Variants in HS3ST1 observed in about 807,000 individuals in gnomAD.
HS3ST1 encodes the protein heparan sulfate glucosamine 3-O-sulfotransferase 1.
Under a neutral mutation model 20.7 loss-of-function variants are expected in HS3ST1, and 8 were observed. That is an observed-to-expected ratio of 0.39 (90% CI 0.23 to 0.70). The LOEUF is 0.70. Ranked by LOEUF, HS3ST1 falls within the 30% of genes least tolerant of loss-of-function variation. The pLI, the probability that HS3ST1 is intolerant of heterozygous loss-of-function variation, is 0.46. For missense variants in HS3ST1, 436 were observed against 423.4 expected (o/e 1.03, Z -0.26); for synonymous variants, 205 against 190.4 (o/e 1.08, Z -0.63).
chr4:11,433,727 T>C (rs867776945), upstream of HS3ST1, among the ~76,000 whole-genome samples: 7 of 152,314 alleles, frequency 4.6e-5, no homozygotes, highest in South Asian at 2.1e-4. Flanking sequence ...TGAATCAATA[T>C]GTATTAGGTA....
At position 11,399,430 on chromosome 4, in the gene HS3ST1, G is replaced by A. The variant is rs1372790414; in HGVS notation, c.576C>T (p.Asn192=). Reference sequence around the variant, plus strand: ...GCATGTGCACGTGGTAGAGGCTGCGGTTGAGGGCCTTGTAGTCCACATTGA... The same window carrying A: ...GCATGTGCACGTGGTAGAGGCTGCGATTGAGGGCCTTGTAGTCCACATTGA... ...GRLNVDYKAL[N]RSLYHVHMQN... The change falls in exon 2 of 2, where the codon AAC becomes AAT. Residue 192 remains asparagine, a synonymous_variant. Transcript: ENST00000002596. The surrounding 1 kb of genome is among the most constrained non-coding windows in gnomAD (Gnocchi z 5.1). 1.2e-6 allele frequency: 2 copies of A among 1,613,906 alleles called. No individual in the cohort carries two copies. Among genetic ancestry groups the A allele is most frequent in the Non-Finnish European group, 1.7e-6 (2 of 1,180,000 alleles).
intron 1 of HS3ST1, among the ~76,000 whole-genome samples, chr4:11,427,124 T>C (rs894992288): frequency 6.6e-6 from 1 of 152,022 alleles, no homozygotes; most frequent in South Asian, 2.1e-4. Flanking sequence ...TTTTTAAAGA[T>C]GGAATTCCTG....
intron 1 of HS3ST1, among the ~76,000 whole-genome samples, chr4:11,424,188 C>G (rs1719007468): frequency 6.6e-6 from 1 of 152,166 alleles, no homozygotes; most frequent in Non-Finnish European, 1.5e-5. Context: ...ACTTGCCTGG[C>G]TGCTGAAGAC....
At chr4:11,409,253 T>C (rs1178874571) in intron 1 of HS3ST1, among the ~76,000 whole-genome samples, 2 of 152,176 alleles carry the variant, frequency 1.3e-5, no homozygotes, top group Non-Finnish European at 2.9e-5. Context: ...CCAAAGTAAA[T>C]TGTTTCCCCT....
rs4697688 is a variant in HS3ST1 at position 11,395,212 on chromosome 4, A to G, written c.*3870T>C. The G allele has an allele frequency of 0.15, 23,324 of 151,960 alleles. 2,462 individuals carry two copies. Among genetic ancestry groups the G allele is most frequent in the African/African-American group, 0.3 (12,293 of 41,406 alleles). 9.4% of individuals were successfully genotyped at this position (151,960 alleles called of 1,614,324 possible). On this transcript the variant is annotated 3_prime_UTR_variant, in exon 2 of 2. Coordinates refer to ENST00000002596, the MANE Select transcript of HS3ST1 (RefSeq NM_005114.4). Reference sequence around the variant, plus strand: ...CAATTCCTCCATGAAGCCTTCCCACAGGAAGGTCAGGGTCTCTGTGGCCCA... The same window carrying G: ...CAATTCCTCCATGAAGCCTTCCCACGGGAAGGTCAGGGTCTCTGTGGCCCA...
At chr4:11,433,421 C>T (rs1012876453), upstream of HS3ST1, among the ~76,000 whole-genome samples, 1 of 152,112 alleles carries the variant, frequency 6.6e-6, no homozygotes, top group African/African-American at 2.4e-5. Context: ...ATTTGTTATC[C>T]TGTGTTAAAC....
rs528546422 is a variant in HS3ST1, at chr4:11,411,081, T to C, written c.-108-10968A>G. On this transcript the variant is annotated intron_variant, in intron 1 of 1. Coordinates refer to ENST00000002596, the MANE Select transcript of HS3ST1 (RefSeq NM_005114.4). ...GCTTTGGCCCAGGAACTTTTTACTA[T>C]CTTTCTTTTTAGGTATGTGTGCTCT... 1.8e-4 allele frequency among the ~76,000 whole-genome samples: 28 copies of C among 152,270 alleles called. No individual in the cohort carries two copies. The South Asian group carries it at 5.0e-3, about 27-fold the overall frequency.
intron 1 of HS3ST1, among the ~76,000 whole-genome samples, chr4:11,427,187 C>A (rs1719082548): frequency 6.6e-6 from 1 of 152,088 alleles, no homozygotes; most frequent in African/African-American, 2.4e-5. Context: ...GATTTGCCTG[C>A]AAAGCGAGAA....
Position 11,399,093 on chromosome 4 carries a change from C to A in HS3ST1, c.913G>T (p.Asp305Tyr). 1.9e-6 allele frequency: 3 copies of A among 1,611,080 alleles called. No individual in the cohort carries two copies. In the South Asian group the frequency reaches 3.3e-5, roughly 18 times the overall value. The change falls in exon 2 of 2, where the codon GAC becomes TAC. Residue 305 changes from aspartate to tyrosine, a missense_variant. Transcript: ENST00000002596. The surrounding 1 kb of genome is among the most constrained non-coding windows in gnomAD (Gnocchi z 5.1). ...TAGCTTATTGCAAATCAGTGCCAGT[C>A]AAATGTTCTGCCAACAAGCTCGAAG... ...KFFELVGRTF[D>Y]WH
intron 1 of HS3ST1, among the ~76,000 whole-genome samples, chr4:11,415,735 C>G (rs537091658): frequency 6.6e-6 from 1 of 152,254 alleles, no homozygotes; most frequent in African/African-American, 2.4e-5. Flanking sequence ...TAAAGGACAA[C>G]TTATCATAAG....
chr4:11,405,647 A>C (rs1313784106), intron 1 of HS3ST1, among the ~76,000 whole-genome samples: 2 of 152,144 alleles, frequency 1.3e-5, no homozygotes, highest in Non-Finnish European at 2.9e-5. Context: ...AGAAACTTTA[A>C]GGGTTTGAAA....
chr4:11,394,403 C>G lies in HS3ST1; in HGVS notation c.*4679G>C, dbSNP rs1163618200. ...TCTACATCAAAACACTTTAGTGAAGCAGCTAAATCCGATGATGTCCTCTTT... is the reference window on the plus strand; with the variant it reads ...TCTACATCAAAACACTTTAGTGAAGGAGCTAAATCCGATGATGTCCTCTTT... On this transcript the variant is annotated 3_prime_UTR_variant, in exon 2 of 2. Coordinates refer to ENST00000002596, the MANE Select transcript of HS3ST1 (RefSeq NM_005114.4). 6.6e-6 allele frequency: 1 copy of G among 152,234 alleles called. No individual in the cohort carries two copies. Among genetic ancestry groups the G allele is most frequent in the Non-Finnish European group, 1.5e-5 (1 of 68,040 alleles). The allele number at this position is 152,234 out of a possible 1,614,324, so 9.4% of individuals were successfully genotyped here.
At chr4:11,416,083 G>A (rs1718774475) in intron 1 of HS3ST1, among the ~76,000 whole-genome samples, 1 of 152,162 alleles carries the variant, frequency 6.6e-6, no homozygotes, top group Non-Finnish European at 1.5e-5. Context: ...GAAGGGCAGA[G>A]TGCAGGTAGC....
At chr4:11,421,692 A>T (rs973640994) in intron 1 of HS3ST1, among the ~76,000 whole-genome samples, 2 of 152,344 alleles carry the variant, frequency 1.3e-5, no homozygotes, top group East Asian at 3.9e-4. Flanking sequence ...GCTGAAATAG[A>T]AGTTCTTGAG....
chr4:11,411,133 A>C (rs745629161), intron 1 of HS3ST1, among the ~76,000 whole-genome samples: 1 of 152,188 alleles, frequency 6.6e-6, no homozygotes, highest in Non-Finnish European at 1.5e-5. Flanking sequence ...TTTGAAAACA[A>C]ACATTTAAGA....
chr4:11,415,193 G>A (rs776541816), intron 1 of HS3ST1, among the ~76,000 whole-genome samples: 81 of 152,322 alleles, frequency 5.3e-4, no homozygotes, highest in Non-Finnish European at 2.2e-4. Context: ...CCAGGCTAAA[G>A]TATGTAAATA....
upstream of HS3ST1, among the ~76,000 whole-genome samples, chr4:11,432,390 A>G (rs558355523): frequency 6.6e-6 from 1 of 152,364 alleles, no homozygotes; most frequent in East Asian, 1.9e-4. Context: ...GGATCAGGTT[A>G]AAAATCCAAT....
chr4:11,415,124 G>T (rs945222039), intron 1 of HS3ST1, among the ~76,000 whole-genome samples: 2 of 152,214 alleles, frequency 1.3e-5, no homozygotes, highest in African/African-American at 2.4e-5. Flanking sequence ...GAAGGCACCT[G>T]AGGAAAGTTC....
At chr4:11,430,265 A>C (rs1327192511), upstream of HS3ST1, among the ~76,000 whole-genome samples, 1 of 151,816 alleles carries the variant, frequency 6.6e-6, no homozygotes, top group Non-Finnish European at 1.5e-5. Context: ...TACTTCTTTT[A>C]GTCAGAATAA....
Sources: allele counts gnomAD v4.1 joint callset (sites outside exome capture counted in the v4.1 genomes callset), GRCh38; gene constraint gnomAD v4.1.1; non-coding constraint Gnocchi (gnomAD v3.1); transcripts MANE v1.5; gene names NCBI Gene and HGNC (gene_info 2026-07-23, HGNC 2026-07-21).